SORBS2: variants seen among roughly 807,000 people sequenced by gnomAD.
The protein encoded by SORBS2 is sorbin and SH3 domain-containing protein 2.
SORBS2 carries 46 observed loss-of-function variants against 97.7 expected under a neutral mutation model. The ratio of observed to expected loss-of-function variants is 0.47; its 90% CI spans 0.37 to 0.60. The LOEUF is 0.60. Among genes scored for constraint, SORBS2 ranks in the 20% least tolerant of loss-of-function variants. SORBS2 has a pLI of 0.00. For synonymous variants in SORBS2, 476 were observed against 473.4 expected, an observed-to-expected ratio of 1.01 and a Z score of -0.07; for missense variants, 1,316 against 1,282.3, an observed-to-expected ratio of 1.03 and a Z score of -0.40.
At chr4:185,900,746 C>T (rs376841483) in intron 1 of SORBS2, among the ~76,000 whole-genome samples, 4 of 151,724 alleles carry the variant, frequency 2.6e-5, no homozygotes, top group African/African-American at 7.3e-5. Context: ...TGTATTTGTA[C>T]GTATGAGTGG....
In SORBS2 at chr4:185,607,235, G is replaced by A. The variant is rs1235061193; in HGVS notation, c.2796+4545C>T. The A allele has an allele frequency of 8.3e-7, 1 of 1,208,434 alleles. No individual in the cohort carries two copies. The highest frequency in any genetic ancestry group is 1.0e-6 in the Non-Finnish European group (1 of 952,874). 74.9% of individuals were successfully genotyped at this position (1,208,434 alleles called of 1,614,324 possible). A position where few individuals can be genotyped will look rare whatever the true frequency, so the allele number is the denominator to read the frequency against. On this transcript the variant is annotated intron_variant, in intron 12 of 14. Transcript: ENST00000418609. The surrounding 1 kb of genome is among the most constrained non-coding windows in gnomAD (Gnocchi z 5.2). The stretch of plus-strand genomic sequence containing the variant: ...GGTGTTGGGGCCAAAGGGTTTGCTG[G>A]TAGACATGAGGCTGTCAGGGACAAC...
At chr4:185,725,853 T>C (rs2098551280) in intron 2 of SORBS2, among the ~76,000 whole-genome samples, 1 of 152,228 alleles carries the variant, frequency 6.6e-6, no homozygotes, top group Non-Finnish European at 1.5e-5. Context: ...TCACATTATC[T>C]ATTAATAAAT....
In SORBS2 at chr4:185,903,836, G is replaced by A. The variant is rs115299191; in HGVS notation, c.-338+52360C>T. Among the ~76,000 whole-genome samples, 193 of 152,270 alleles carry A rather than the reference G, an allele frequency of 1.3e-3. 2 individuals carry two copies. Among genetic ancestry groups the A allele is most frequent in the African/African-American group, 4.3e-3 (179 of 41,544 alleles). On this transcript the variant is annotated intron_variant, in intron 1 of 20. Coordinates refer to the SORBS2 transcript ENST00000284776. ...TCATGTTCAAGGGAACTACTGAATG[G>A]AAGTTATCAAAAGTATTAAAATCAA...
intron 1 of SORBS2, among the ~76,000 whole-genome samples, chr4:185,788,299 G>A (rs2099065670): frequency 6.6e-6 from 1 of 152,184 alleles, no homozygotes; most frequent in Non-Finnish European, 1.5e-5. Context: ...GAGAAAATGG[G>A]GTTTGCAATA....
chr4:185,900,849 TA>T (rs1477310498), intron 1 of SORBS2, among the ~76,000 whole-genome samples: 5 of 152,142 alleles, frequency 3.3e-5, no homozygotes, highest in Non-Finnish European at 5.9e-5. Flanking sequence ...ATTCAGTCAC[TA>T]AAACTACAGA....
chr4:185,599,432 G>C (rs2096201359), intron 12 of SORBS2, among the ~76,000 whole-genome samples: 2 of 152,182 alleles, frequency 1.3e-5, no homozygotes, highest in South Asian at 4.1e-4. Context: ...AGTTCAATCA[G>C]AGCTGGCAAG....
intron 1 of SORBS2, among the ~76,000 whole-genome samples, chr4:185,907,402 AT>A (rs1312383718): frequency 6.6e-6 from 1 of 152,234 alleles, no homozygotes; most frequent in Non-Finnish European, 1.5e-5. Flanking sequence ...TTTTAGAGCT[AT>A]GAGGTAGAAA....
At chr4:185,800,159 C>T (rs146194692) in intron 1 of SORBS2, among the ~76,000 whole-genome samples, 415 of 152,260 alleles carry the variant, frequency 2.7e-3, no homozygotes, top group African/African-American at 9.8e-3. Flanking sequence ...CATGCCACTG[C>T]ACTTCAGCCT....
chr4:185,823,798 T>G (rs574778662), intron 1 of SORBS2, among the ~76,000 whole-genome samples: 55 of 152,288 alleles, frequency 3.6e-4, no homozygotes, highest in African/African-American at 1.3e-3. Flanking sequence ...GTGGTCTTTT[T>G]CAAGGCCGTG....
In SORBS2 at chr4:185,612,468, C is replaced by A. The variant is rs547523609; in HGVS notation, c.2596-488G>T. ...CTAGAAGGGAGAACATCGAATGGTA[C>A]ACCGTTTTCTTTTTTTATTTCTATT... On this transcript the variant is annotated intron_variant, in intron 11 of 14. Transcript: ENST00000418609. Among the ~76,000 whole-genome samples, 12 of 151,368 alleles carry A rather than the reference C, an allele frequency of 7.9e-5. No individual in the cohort carries two copies. In the South Asian group the frequency reaches 2.3e-3, roughly 29 times the overall value.
chr4:185,699,429 G>A (rs1027298190), intron 2 of SORBS2, among the ~76,000 whole-genome samples: 5 of 151,808 alleles, frequency 3.3e-5, no homozygotes, highest in Admixed American at 6.6e-5. Context: ...TGGGGTTACC[G>A]GTGTGTGCCA....
At chr4:185,716,421 A>C (rs2098465728) in intron 2 of SORBS2, among the ~76,000 whole-genome samples, 1 of 152,222 alleles carries the variant, frequency 6.6e-6, no homozygotes, top group South Asian at 2.1e-4. Context: ...AAGCACTTAG[A>C]AGTGAGTCTG....
At chr4:185,833,942 A>G (rs1478008477) in intron 1 of SORBS2, among the ~76,000 whole-genome samples, 1 of 152,228 alleles carries the variant, frequency 6.6e-6, no homozygotes, top group Non-Finnish European at 1.5e-5. Flanking sequence ...TGATTCCTGG[A>G]ACATAACATA....
At chr4:185,655,008 A>G (rs1370472523) in intron 1 of SORBS2, among the ~76,000 whole-genome samples, 1 of 152,190 alleles carries the variant, frequency 6.6e-6, no homozygotes, top group African/African-American at 2.4e-5. Flanking sequence ...CAAGTGTTAT[A>G]TTGGAAGTAG....
At chr4:185,949,777 A>G (rs1328145623) in intron 1 of SORBS2, among the ~76,000 whole-genome samples, 1 of 152,172 alleles carries the variant, frequency 6.6e-6, no homozygotes, top group Non-Finnish European at 1.5e-5. Flanking sequence ...GAAAATGCTG[A>G]ATCTGAGACC....
intron 1 of SORBS2, among the ~76,000 whole-genome samples, chr4:185,801,046 C>A (rs547982532): frequency 1.3e-4 from 20 of 152,268 alleles, no homozygotes; most frequent in African/African-American, 4.8e-4. Context: ...TCATTTTCCT[C>A]CCCCCACCAA....
chr4:185,607,927 G>A lies in SORBS2; in HGVS notation c.2796+3853C>T, dbSNP rs570444789. ...AGGCTGGTCTTGAACTCCTGACCTC[G>A]TGACCCACCCACCTCAGCCTCCCAA... On this transcript the variant is annotated intron_variant, in intron 12 of 14. Transcript: ENST00000418609. The surrounding 1 kb of genome is among the most constrained non-coding windows in gnomAD (Gnocchi z 5.2). Among the ~76,000 whole-genome samples the A allele has an allele frequency of 6.6e-4, 101 of 152,142 alleles. No homozygotes were observed. Among genetic ancestry groups the A allele is most frequent in the Admixed American group, 1.4e-3 (21 of 15,282 alleles).
chr4:185,590,825 ACTT>A (rs1219894922), intron 13 of SORBS2, among the ~76,000 whole-genome samples: 1 of 152,106 alleles, frequency 6.6e-6, no homozygotes, highest in Non-Finnish European at 1.5e-5. Flanking sequence ...TAACATGAAA[ACTT>A]CTTCATAATA....
At chr4:185,641,532 C>T (rs1210573520) in intron 4 of SORBS2, among the ~76,000 whole-genome samples, 1 of 152,048 alleles carries the variant, frequency 6.6e-6, no homozygotes, top group Non-Finnish European at 1.5e-5. Context: ...TACAGATGGT[C>T]AGTCAACAGA....
Sources: gnomAD v4.1 joint callset for allele counts (sites outside exome capture counted in the v4.1 genomes callset) on GRCh38, gnomAD v4.1.1 for gene constraint, Gnocchi (gnomAD v3.1) non-coding constraint, MANE v1.5 for transcripts, NCBI Gene and HGNC (gene_info 2026-07-23, HGNC 2026-07-21) for gene names.